ACACB: variants seen among roughly 807,000 people sequenced by gnomAD.
The protein encoded by ACACB is acetyl-CoA carboxylase beta.
ACACB carries 209 observed loss-of-function variants against 278.8 expected under a neutral mutation model. The ratio of observed to expected loss-of-function variants is 0.75; its 90% CI spans 0.67 to 0.84. The LOEUF (loss-of-function observed/expected upper bound fraction) is 0.84. ACACB is among the 40% of genes least tolerant of loss of function. ACACB has a pLI of 0.00. For missense variants in ACACB, 2,850 were observed against 3,269.0 expected (o/e 0.87, Z 3.13); for synonymous variants, 1,174 against 1,285.6 (o/e 0.91, Z 1.86).
Position 109,227,253 on chromosome 12 carries a change from T to C in ACACB, c.3883-118T>C. On this transcript the variant is annotated intron_variant, in intron 27 of 52. Transcript: ENST00000338432. ...GCCTGAGCCACTGCACCCGGCCTGC[T>C]TACAGATAGATATTTTAGAGGTCAT... 4 of 927,782 alleles carry C rather than the reference T, an allele frequency of 4.3e-6. No individual in the cohort carries two copies. In the South Asian group the frequency reaches 6.5e-5, roughly 15 times the overall value. 57.5% of individuals were successfully genotyped at this position (927,782 alleles called of 1,614,324 possible).
At chr12:109,195,205 C>T (rs1448349270) in intron 16 of ACACB, among the ~76,000 whole-genome samples, 1 of 152,192 alleles carries the variant, frequency 6.6e-6, no homozygotes. Flanking sequence ...GCTGTGTCCC[C>T]TGTAAGCCCA....
upstream of ACACB, chr12:109,113,038 G>A (rs1424276032): frequency 6.6e-6 from 1 of 152,194 alleles, no homozygotes; most frequent in Non-Finnish European, 1.5e-5. Context: ...TGATTTTCAT[G>A]TGTCACGAAA....
In ACACB at chr12:109,260,607, T is replaced by C; in HGVS notation, c.6624T>C (p.Asp2208=). ...ELRGGSWVVI[D]ATINPLCIEM... ...GGGGAGGCTCCTGGGTGGTCATAGA[T>C]GCCACCATCAACCCGCTGTGCATAG... Residue 2208 remains aspartate, a synonymous_variant, in exon 48 of 53, where the codon GAT becomes GAC. Transcript: ENST00000338432. 1.2e-6 allele frequency: 2 copies of C among 1,609,926 alleles called. No homozygotes were observed. Among genetic ancestry groups the C allele is most frequent in the Non-Finnish European group, 1.7e-6 (2 of 1,178,338 alleles).
At chr12:109,179,414 A>T in intron 10 of ACACB, 117 bp downstream of exon 10, 2 of 1,036,216 alleles carry the variant, frequency 1.9e-6, no homozygotes, top group Non-Finnish European at 1.4e-6. Context: ...AACAAGAGGG[A>T]TGAGGGCCCA....
At chr12:109,180,884 A>T (rs2044442719) in intron 11 of ACACB, among the ~76,000 whole-genome samples, 2 of 152,130 alleles carry the variant, frequency 1.3e-5, no homozygotes, top group Admixed American at 6.6e-5. Flanking sequence ...GACTGTAGTC[A>T]CCCTGTTGTA....
chr12:109,162,726 A>G (rs549901982), intron 2 of ACACB, among the ~76,000 whole-genome samples: 1 of 152,242 alleles, frequency 6.6e-6, no homozygotes, highest in African/African-American at 2.4e-5. Context: ...AGAAGACTGG[A>G]AAACTTCTCC....
chr12:109,247,561 A>G, intron 39 of ACACB, 45 bp from the exon 40 acceptor site: 1 of 1,408,082 alleles, frequency 7.1e-7, no homozygotes, highest in Non-Finnish European at 9.9e-7. Flanking sequence ...AGTGGCTTTC[A>G]GTGCAGGGAA....
chr12:109,139,584 G>T lies in ACACB; in HGVS notation c.179G>T (p.Arg60Ile). ...ASDNSGETPQ[R>I]NGEGHTLPKT... is the part of the protein sequence containing the mutation. ...GATAACTCAGGGGAGACACCGCAGA[G>T]AAATGGGGAGGGCCACACTCTGCCC... The change falls in exon 2 of 53, where the codon AGA (arginine) becomes ATA (isoleucine). Residue 60 changes from arginine to isoleucine, a missense_variant. Arg to Ile is a moderately conservative substitution (Grantham distance 97, BLOSUM62 -3). This residue lies in a region of ACACB where 2,265 missense variants were observed against 2,561.3 expected (regional missense o/e 0.88). Coordinates refer to ENST00000338432, the MANE Select transcript of ACACB (RefSeq NM_001093.4). 6.2e-7 allele frequency: 1 copy of T among 1,614,086 alleles called. No homozygotes were observed. The highest frequency in any genetic ancestry group is 8.5e-7 in the Non-Finnish European group (1 of 1,180,018).
At chr12:109,142,424 AG>A (rs2043144209) in intron 2 of ACACB, among the ~76,000 whole-genome samples, 1 of 152,142 alleles carries the variant, frequency 6.6e-6, no homozygotes, top group Non-Finnish European at 1.5e-5. Context: ...ATAAATAGAA[AG>A]GGGGGCAAGT....
Position 109,209,177 on chromosome 12 carries a change from G to A in ACACB, c.3073G>A (p.Val1025Met). ...PVFSIKLKEW[V>M]QKLMMTLRHP... Reference sequence around the variant, plus strand: ...GTCCCCGCTTCAGCTGAAGGAGTGGGTGCAGAAGCTCATGATGACCCTCCG... The same window carrying A: ...GTCCCCGCTTCAGCTGAAGGAGTGGATGCAGAAGCTCATGATGACCCTCCG... Residue 1025 changes from valine to methionine, a missense_variant, in exon 21 of 53, where the codon GTG becomes ATG. Physicochemically the swap from Val to Met is conservative, Grantham distance 21 (BLOSUM62 1). This residue lies in a region of ACACB where 2,265 missense variants were observed against 2,561.3 expected (regional missense o/e 0.88). Coordinates refer to ENST00000338432, the MANE Select transcript of ACACB (RefSeq NM_001093.4). 6.2e-7 allele frequency: 1 copy of A among 1,601,746 alleles called. No homozygotes were observed. Among genetic ancestry groups the A allele is most frequent in the South Asian group, 1.1e-5 (1 of 88,878 alleles).
intron 38 of ACACB, 63 bp from the exon 39 acceptor site, chr12:109,246,116 A>C (rs534776224): frequency 6.6e-7 from 1 of 1,525,034 alleles, no homozygotes. Flanking sequence ...AACTAAAATA[A>C]AATAAAAAGT....
chr12:109,247,539 GA>G lies in ACACB; in HGVS notation c.5572-57del, dbSNP rs144291284. The G allele has an allele frequency of 0.011, 11,570 of 1,021,054 alleles. 616 individuals are homozygous for G. The African/African-American group carries it at 0.15, about 13-fold the overall frequency. 63.2% of individuals were successfully genotyped at this position (1,021,054 alleles called of 1,614,324 possible). On this transcript the variant is annotated intron_variant, in intron 39 of 52. Coordinates refer to ENST00000338432, the MANE Select transcript of ACACB (RefSeq NM_001093.4). ...TCCATCCCTACGATGTTCACATTAA[GA>G]AAAAAAAAACAGTGGCTTTCAGTGC...
In ACACB at chr12:109,222,515, G is replaced by A. The variant is rs758879832; in HGVS notation, c.3573G>A (p.Leu1191=). 1.2e-6 allele frequency: 2 copies of A among 1,614,020 alleles called. No individual in the cohort carries two copies. The highest frequency in any genetic ancestry group is 1.7e-5 in the Admixed American group (1 of 60,006). Residue 1191 remains leucine, a synonymous_variant, in exon 25 of 53, where the codon CTG becomes CTA. Transcript: ENST00000338432. ...NQLVIMLIDE[L]CGPDPSLSDE... The stretch of plus-strand genomic sequence containing the variant: ...TTTTTCTGTCCCCTAAGGATGAGCT[G>A]TGTGGCCCAGACCCTTCCCTGTCGG...
chr12:109,201,739 A>G (rs1424013484), intron 19 of ACACB, 38 bp downstream of exon 19: 5 of 1,606,500 alleles, frequency 3.1e-6, no homozygotes, highest in Non-Finnish European at 3.4e-6. Flanking sequence ...TGGCTGGTGC[A>G]GGTGCACTCG....
intron 22 of ACACB, among the ~76,000 whole-genome samples, chr12:109,214,071 G>A (rs1325996241): frequency 6.6e-6 from 1 of 150,414 alleles, no homozygotes; most frequent in Non-Finnish European, 1.5e-5. Context: ...CCTGGGTGAT[G>A]TAGCGAGACC....
At chr12:109,132,622 C>A (rs768391708) in intron 1 of ACACB, among the ~76,000 whole-genome samples, 9 of 152,100 alleles carry the variant, frequency 5.9e-5, no homozygotes, top group Admixed American at 2.0e-4. Flanking sequence ...GAATTCGTAT[C>A]CCCATTTTAT....
At chr12:109,210,258 T>TGTATATGTATATATACACACATATCTGC (rs2045745387) in intron 21 of ACACB, among the ~76,000 whole-genome samples, 3 of 68,956 alleles carry the variant, frequency 4.4e-5, no homozygotes, top group Non-Finnish European at 7.9e-5. Flanking sequence ...TACACACATG[T>TGTATATGTATATATACACACATATCTGC]GTGTATATGT....
At chr12:109,261,163 A>G (rs563375498) in intron 48 of ACACB, among the ~76,000 whole-genome samples, 50 of 152,328 alleles carry the variant, frequency 3.3e-4, no homozygotes, top group Admixed American at 1.3e-3. Context: ...TTCACAGCAC[A>G]GTGACTGATG....
chr12:109,240,014 G>C (rs771889536), intron 35 of ACACB, 29 bp downstream of exon 35: 30 of 1,606,006 alleles, frequency 1.9e-5, no homozygotes, highest in Non-Finnish European at 2.5e-5. Flanking sequence ...GGCTCTCACC[G>C]GGCTCTGGGT....
Sources: gnomAD v4.1 joint callset for allele counts (sites outside exome capture counted in the v4.1 genomes callset) on GRCh38, gnomAD v4.1.1 for gene constraint, gnomAD v4.1.1 regional missense constraint, MANE v1.5 for transcripts, NCBI Gene and HGNC (gene_info 2026-07-23, HGNC 2026-07-21) for gene names.